PCP4L1: variants seen among roughly 807,000 people sequenced by gnomAD.
The protein encoded by PCP4L1 is Purkinje cell protein 4 like 1.
Under a neutral mutation model 9.6 loss-of-function variants are expected in PCP4L1, and 9 were observed. The ratio of observed to expected loss-of-function variants is 0.94; its 90% confidence interval spans 0.57 to 1.64. The LOEUF is 1.64. Among genes scored for constraint, PCP4L1 ranks in the 40% most tolerant of loss-of-function variants. PCP4L1 has a pLI of 0.00. For synonymous variants in PCP4L1, 31 were observed against 28.2 expected, an observed-to-expected ratio of 1.10 and a Z score of -0.31; for missense variants, 81 against 80.8, an observed-to-expected ratio of 1.00 and a Z score of -0.01.
chr1:161,268,003 G>A (rs1307316305), intron 1 of PCP4L1, among the ~76,000 whole-genome samples: 2 of 152,072 alleles, frequency 1.3e-5, no homozygotes, highest in East Asian at 1.9e-4. Flanking sequence ...GTGAGCCACC[G>A]CACCTGGCCG....
chr1:161,264,673 T>A (rs1474256017), intron 1 of PCP4L1, among the ~76,000 whole-genome samples: 6 of 151,396 alleles, frequency 4.0e-5, no homozygotes, highest in African/African-American at 1.5e-4. Flanking sequence ...TACTAAAAAT[T>A]AAAAAATTAG....
At chr1:161,272,191 T>C (rs1168611935) in intron 1 of PCP4L1, among the ~76,000 whole-genome samples, 2 of 151,860 alleles carry the variant, frequency 1.3e-5, no homozygotes, top group Non-Finnish European at 2.9e-5. Flanking sequence ...AATCCCTTTT[T>C]TTTTTTTTAA....
Position 161,283,690 on chromosome 1 carries a change from C to A in PCP4L1, c.32C>A (p.Ala11Glu). 1 of 1,605,070 alleles carries A rather than the reference C, an allele frequency of 6.2e-7. No homozygotes were observed. The highest frequency in any genetic ancestry group is 1.1e-5 in the South Asian group (1 of 89,286). Residue 11 changes from alanine to glutamate, a missense_variant, in exon 2 of 3, where the codon GCA becomes GAA. By Grantham distance (107) the Ala-to-Glu change is moderately radical (BLOSUM62 -1). Coordinates refer to ENST00000504449, the MANE Select transcript of PCP4L1 (RefSeq NM_001102566.2). ...CAGCTTAATACCAAAACATCCCCAG[C>A]AACCAACCAGGCAGCTGGCCAAGAG... MSELNTKTSP[A>E]TNQAAGQEEK... is the part of the protein sequence containing the mutation.
At chr1:161,264,128 G>T (rs1312003149) in intron 1 of PCP4L1, among the ~76,000 whole-genome samples, 2 of 150,960 alleles carry the variant, frequency 1.3e-5, no homozygotes, top group African/African-American at 4.9e-5. Context: ...GACCAGGCTG[G>T]TCTGAAACTC....
intron 1 of PCP4L1, among the ~76,000 whole-genome samples, chr1:161,260,486 G>A (rs1571788418): frequency 2.0e-5 from 3 of 152,248 alleles, no homozygotes; most frequent in African/African-American, 7.2e-5. Flanking sequence ...CTCCCACCCC[G>A]AGCATTTCTA....
At chr1:161,283,612 C>G in intron 1 of PCP4L1, 56 bp from the exon 2 acceptor site, 1 of 1,482,622 alleles carries the variant, frequency 6.7e-7, no homozygotes, top group Non-Finnish European at 9.2e-7. Context: ...GGTGATGATG[C>G]CTTCAAATTA....
At chr1:161,271,438 G>A (rs1306446884) in intron 1 of PCP4L1, among the ~76,000 whole-genome samples, 1 of 152,058 alleles carries the variant, frequency 6.6e-6, no homozygotes, top group Non-Finnish European at 1.5e-5. Flanking sequence ...ACTTATTCTG[G>A]ATGCAAGCCT....
chr1:161,269,920 G>A (rs1462246447), intron 1 of PCP4L1, among the ~76,000 whole-genome samples: 2 of 151,910 alleles, frequency 1.3e-5, no homozygotes, highest in Non-Finnish European at 2.9e-5. Flanking sequence ...GATTGCTTGA[G>A]CCCAGGAGGC....
chr1:161,268,391 C>T (rs1043200773), intron 1 of PCP4L1, among the ~76,000 whole-genome samples: 5 of 152,210 alleles, frequency 3.3e-5, no homozygotes, highest in African/African-American at 1.2e-4. Flanking sequence ...GGCAACTCCA[C>T]TCTCTGATTC....
intron 1 of PCP4L1, among the ~76,000 whole-genome samples, chr1:161,266,087 A>G (rs1031276180): frequency 1.3e-5 from 2 of 152,048 alleles, no homozygotes; most frequent in African/African-American, 4.8e-5. Flanking sequence ...GTGCCCATAA[A>G]CAGGTACCTA....
chr1:161,274,412 A>G (rs564300072), intron 1 of PCP4L1, among the ~76,000 whole-genome samples: 20 of 152,058 alleles, frequency 1.3e-4, no homozygotes, highest in African/African-American at 4.8e-4. Flanking sequence ...TTTGTGATCC[A>G]TACCTGGCTA....
intron 1 of PCP4L1, among the ~76,000 whole-genome samples, chr1:161,271,449 T>C (rs1041634211): frequency 1.3e-5 from 2 of 152,200 alleles, no homozygotes; most frequent in Non-Finnish European, 2.9e-5. Flanking sequence ...ATGCAAGCCT[T>C]TTATCAGATA....
At chr1:161,281,565 T>C (rs1180441925) in intron 1 of PCP4L1, among the ~76,000 whole-genome samples, 14 of 126,804 alleles carry the variant, frequency 1.1e-4, no homozygotes, top group Non-Finnish European at 1.9e-4. Context: ...CGGGGGCTGA[T>C]CCCCACCTCC....
intron 1 of PCP4L1, among the ~76,000 whole-genome samples, chr1:161,264,069 C>A (rs1045628497): frequency 1.3e-5 from 2 of 151,636 alleles, no homozygotes; most frequent in Non-Finnish European, 2.9e-5. Flanking sequence ...ATCACCAGGC[C>A]CGGGTAATTT....
intron 1 of PCP4L1, among the ~76,000 whole-genome samples, chr1:161,281,723 C>A (rs1400235587): frequency 7.1e-6 from 1 of 141,652 alleles, no homozygotes; most frequent in Non-Finnish European, 1.5e-5. Flanking sequence ...GGCGGCCGGG[C>A]AGAGACGCTC....
Position 161,283,724 on chromosome 1 carries a change from T to C in PCP4L1, c.64+2T>C, listed in dbSNP as rs751801778. The C allele has an allele frequency of 3.7e-6, 6 of 1,604,014 alleles. No homozygotes were observed. In the Admixed American group the frequency reaches 8.5e-5, roughly 23 times the overall value. Reference sequence around the variant, plus strand: ...AGGCAGCTGGCCAAGAGGAAAAAGGTGAGTGGGGTTGGGCTAGGCAGTTTG... The same window carrying C: ...AGGCAGCTGGCCAAGAGGAAAAAGGCGAGTGGGGTTGGGCTAGGCAGTTTG... On this transcript the variant is annotated splice_donor_variant, in intron 2 of 2. Transcript: ENST00000504449. LOFTEE classifies it high-confidence loss of function.
chr1:161,263,352 C>T (rs998338983), intron 1 of PCP4L1, among the ~76,000 whole-genome samples: 7 of 152,188 alleles, frequency 4.6e-5, no homozygotes, highest in African/African-American at 1.4e-4. Flanking sequence ...ATTCTCCTGC[C>T]TCAGCCTCCC....
At chr1:161,283,813 A>G in intron 2 of PCP4L1, 91 bp downstream of exon 2, 1 of 1,298,454 alleles carries the variant, frequency 7.7e-7, no homozygotes, top group Non-Finnish European at 1.1e-6. Context: ...CTAAAGTCAG[A>G]CATGAAAGGA....
chr1:161,283,546 A>G (rs949466265), intron 1 of PCP4L1, 122 bp from the exon 2 acceptor site: 1 of 864,236 alleles, frequency 1.2e-6, no homozygotes, highest in Non-Finnish European at 1.7e-6. Flanking sequence ...TTGCTTCTTC[A>G]AAAGACTAAG....
Sources: allele counts gnomAD v4.1 joint callset (sites outside exome capture counted in the v4.1 genomes callset), GRCh38; gene constraint gnomAD v4.1.1; transcripts MANE v1.5; gene names NCBI Gene and HGNC (gene_info 2026-07-23, HGNC 2026-07-21).